RTL9: variants seen among roughly 807,000 people sequenced by gnomAD.
RTL9 encodes the protein retrotransposon Gag-like protein 9.
RTL9 carries 19 observed loss-of-function variants against 44.7 expected under a neutral mutation model. The ratio of observed to expected loss-of-function variants is 0.42; its 90% CI spans 0.30 to 0.62. The LOEUF (loss-of-function observed/expected upper bound fraction) is 0.62, where lower values mean the gene tolerates loss of function less well. Ranked by LOEUF, RTL9 falls within the 20% of genes least tolerant of loss-of-function variation. The pLI, the probability that RTL9 is intolerant of heterozygous loss-of-function variation, is 0.16. For missense variants in RTL9, 1,105 were observed against 1,080.6 expected (o/e 1.02, Z -0.32); for synonymous variants, 407 against 398.9 (o/e 1.02, Z -0.24).
intron 1 of RTL9, among the ~76,000 whole-genome samples, chrX:110,397,828 C>T (rs1200490613): frequency 9.0e-6 from 1 of 111,508 alleles, no homozygotes; most frequent in Non-Finnish European, 1.9e-5. Flanking sequence ...GGCCTGGGGA[C>T]AGCACAGATC....
intron 1 of RTL9, among the ~76,000 whole-genome samples, chrX:110,439,615 TTGA>T (rs1221805628): frequency 8.9e-6 from 1 of 112,012 alleles, no homozygotes; most frequent in Non-Finnish European, 1.9e-5. Context: ...GTGCACAACA[TTGA>T]TGAACAGAAG....
At chrX:110,389,588 T>C (rs1239095892) in intron 1 of RTL9, among the ~76,000 whole-genome samples, 1 of 112,207 alleles carries the variant, frequency 8.9e-6, no homozygotes, top group African/African-American at 3.2e-5. Context: ...TAATTTACCA[T>C]ACCCTTAAGG....
At chrX:110,366,778 C>T (rs2068300002) in intron 1 of RTL9, among the ~76,000 whole-genome samples, 2 of 112,050 alleles carry the variant, frequency 1.8e-5, no homozygotes, top group Admixed American at 1.9e-4. Context: ...AAGCTTATAA[C>T]CGTGCTAACC....
At chrX:110,365,808 C>T (rs1253675101) in intron 1 of RTL9, among the ~76,000 whole-genome samples, 3 of 111,670 alleles carry the variant, frequency 2.7e-5, no homozygotes, top group African/African-American at 9.8e-5. Flanking sequence ...AAAGAGTGAG[C>T]GAGGTGATCT....
intron 1 of RTL9, among the ~76,000 whole-genome samples, chrX:110,370,412 T>C (rs2068330059): frequency 9.0e-6 from 1 of 111,091 alleles, no homozygotes; most frequent in South Asian, 3.9e-4. Flanking sequence ...TTTCACCATG[T>C]TGGCCAGGCT....
At chrX:110,411,107 C>G (rs1396034503) in intron 1 of RTL9, among the ~76,000 whole-genome samples, 2 of 112,279 alleles carry the variant, frequency 1.8e-5, no homozygotes, top group Non-Finnish European at 3.8e-5. Flanking sequence ...ACTTGTATCT[C>G]TGAGCAAGAG....
At chrX:110,418,547 G>GAAGGCCGGCAAGCTT (rs1489079566), upstream of RTL9, among the ~76,000 whole-genome samples, 2 of 111,711 alleles carry the variant, frequency 1.8e-5, no homozygotes, top group Non-Finnish European at 3.8e-5. Flanking sequence ...TGAACGAGAG[G>GAAGGCCGGCAAGCTT]AAGGCCGGCA....
intron 1 of RTL9, among the ~76,000 whole-genome samples, chrX:110,403,770 T>C (rs185164192): frequency 3.6e-5 from 4 of 112,609 alleles, no homozygotes; most frequent in African/African-American, 1.3e-4. Flanking sequence ...TCACACCCTG[T>C]GTGAATATTC....
chrX:110,435,413 C>T (rs1431206974), intron 1 of RTL9, among the ~76,000 whole-genome samples: 1 of 112,355 alleles, frequency 8.9e-6, no homozygotes, highest in East Asian at 2.8e-4. Context: ...GAGCTGGGAG[C>T]ACATTCATGA....
chrX:110,392,327 G>A (rs2209182), intron 1 of RTL9, among the ~76,000 whole-genome samples: 1,252 of 95,883 alleles, frequency 0.013, 17 homozygotes, highest in Middle Eastern at 0.039. Context: ...CCCAGTCTGT[G>A]TGCAATGGTG....
chrX:110,434,425 G>C (rs1009266233), intron 1 of RTL9, among the ~76,000 whole-genome samples: 1 of 111,660 alleles, frequency 9.0e-6, no homozygotes, highest in African/African-American at 3.3e-5. Context: ...CATCTCCAGG[G>C]TCTGGGCAAG....
chrX:110,404,000 C>T (rs1391004605), intron 1 of RTL9, among the ~76,000 whole-genome samples: 1 of 112,552 alleles, frequency 8.9e-6, no homozygotes, highest in Non-Finnish European at 1.9e-5. Context: ...GTGCTCAGCA[C>T]ACAGTCCAGC....
chrX:110,396,149 T>C (rs1398719157), intron 1 of RTL9, among the ~76,000 whole-genome samples: 1 of 111,617 alleles, frequency 9.0e-6, no homozygotes, highest in African/African-American at 3.3e-5. Context: ...GCATCCAGTA[T>C]TAGTCATACC....
intron 1 of RTL9, among the ~76,000 whole-genome samples, chrX:110,429,178 G>A (rs1023536522): frequency 8.9e-5 from 10 of 111,927 alleles, no homozygotes; most frequent in Non-Finnish European, 9.4e-5. Context: ...ATTTTTATAT[G>A]TGTGTAGTCT....
chrX:110,387,857 CTTTTTTTTTTTT>C (rs57937918), intron 1 of RTL9, among the ~76,000 whole-genome samples: 2 of 82,808 alleles, frequency 2.4e-5, no homozygotes, highest in Non-Finnish European at 4.5e-5. Context: ...CTCCCTCTCT[CTTTTTTTTTTTT>C]TTTTTTTTTT....
exon 1 of RTL9, chrX:110,451,682 C>G (rs2068942150): frequency 8.3e-7 from 1 of 1,211,810 alleles, no homozygotes; most frequent in East Asian, 3.0e-5. Flanking sequence ...CGGCCCTACC[C>G]TCTGGAGTGA....
upstream of RTL9, among the ~76,000 whole-genome samples, chrX:110,415,421 G>A (rs1423660125): frequency 8.9e-6 from 1 of 111,998 alleles, no homozygotes; most frequent in Admixed American, 9.5e-5. Context: ...AGTGATGGAT[G>A]CTTTTTTCCC....
intron 1 of RTL9, among the ~76,000 whole-genome samples, chrX:110,392,484 T>G (rs1382652316): frequency 1.8e-5 from 2 of 111,308 alleles, no homozygotes; most frequent in African/African-American, 6.6e-5. Flanking sequence ...GGCCTTGCTT[T>G]GTTGTCCAGG....
At chrX:110,441,301 T>C (rs1030856504) in intron 1 of RTL9, among the ~76,000 whole-genome samples, 2 of 111,893 alleles carry the variant, frequency 1.8e-5, no homozygotes, top group East Asian at 5.6e-4. Context: ...GTGGTGACAT[T>C]TTTCAGTTCT....
Sources: gnomAD v4.1 joint callset for allele counts (sites outside exome capture counted in the v4.1 genomes callset) on GRCh38, gnomAD v4.1.1 for gene constraint, MANE v1.5 for transcripts, NCBI Gene and HGNC (gene_info 2026-07-23, HGNC 2026-07-21) for gene names.